FOXN3: variants seen among roughly 807,000 people sequenced by gnomAD.
FOXN3 encodes forkhead box N3.
Under a neutral mutation model 38.4 loss-of-function variants are expected in FOXN3, and 7 were observed. The observed-to-expected ratio is 0.18, with a 90% CI of 0.10 to 0.34. The LOEUF (loss-of-function observed/expected upper bound fraction) is 0.34. Ranked by LOEUF, FOXN3 falls within the 10% of genes least tolerant of loss-of-function variation. The probability of loss-of-function intolerance (pLI) is 1.00; values close to 1 mark genes in which losing one functional copy is unlikely to be tolerated. For synonymous variants in FOXN3, 230 were observed against 242.2 expected, an observed-to-expected ratio of 0.95 and a Z score of 0.47; for missense variants, 456 against 613.4, an observed-to-expected ratio of 0.74 and a Z score of 2.71.
At chr14:89,447,082 G>C (rs1348653550) in intron 1 of FOXN3, among the ~76,000 whole-genome samples, 2 of 151,972 alleles carry the variant, frequency 1.3e-5, no homozygotes, top group African/African-American at 4.8e-5. Flanking sequence ...TGTAGTCCCA[G>C]CTACTGGGGA....
intron 4 of FOXN3, among the ~76,000 whole-genome samples, chr14:89,269,485 G>T (rs114727207): frequency 6.1e-5 from 9 of 148,304 alleles, no homozygotes; most frequent in South Asian, 2.1e-4. Flanking sequence ...GTTTTGTTTT[G>T]TTTTTTTTTT....
At chr14:89,260,163 C>T (rs1177159310) in intron 4 of FOXN3, among the ~76,000 whole-genome samples, 1 of 152,240 alleles carries the variant, frequency 6.6e-6, no homozygotes, top group Non-Finnish European at 1.5e-5. Flanking sequence ...AAATAGCTTA[C>T]CGGTCCTCAC....
intron 1 of FOXN3, among the ~76,000 whole-genome samples, chr14:89,451,863 G>A (rs1368918335): frequency 6.6e-6 from 1 of 152,014 alleles, no homozygotes; most frequent in Non-Finnish European, 1.5e-5. Flanking sequence ...GTAACGGGGG[G>A]CTGCAGTGTT....
At chr14:89,281,055 G>A (rs778821175) in intron 3 of FOXN3, 41 bp from the exon 4 acceptor site, 16 of 1,552,196 alleles carry the variant, frequency 1.0e-5, no homozygotes, top group Non-Finnish European at 1.4e-5. Context: ...AAGTTCATCT[G>A]CACTCACACA....
chr14:89,202,156 G>A (rs1056844880), intron 4 of FOXN3, among the ~76,000 whole-genome samples: 1 of 152,186 alleles, frequency 6.6e-6, no homozygotes, highest in Admixed American at 6.5e-5. Context: ...TAATGCTCGA[G>A]CACTGAAGAA....
At chr14:89,438,072 A>G (rs1380777378) in intron 1 of FOXN3, among the ~76,000 whole-genome samples, 1 of 152,288 alleles carries the variant, frequency 6.6e-6, no homozygotes, top group African/African-American at 2.4e-5. Flanking sequence ...TATATTTAGC[A>G]TGCATAAGAA....
intron 2 of FOXN3, among the ~76,000 whole-genome samples, chr14:89,405,056 C>T (rs1248021722): frequency 6.6e-6 from 1 of 152,184 alleles, no homozygotes; most frequent in Non-Finnish European, 1.5e-5. Flanking sequence ...TCTGCATTCA[C>T]AACACCAAGA....
At chr14:89,218,030 CTT>C (rs1256771250) in intron 4 of FOXN3, among the ~76,000 whole-genome samples, 2 of 152,206 alleles carry the variant, frequency 1.3e-5, no homozygotes, top group Non-Finnish European at 2.9e-5. Flanking sequence ...AAATTGGAAT[CTT>C]TTTTGAAAAA....
chr14:89,298,439 C>T (rs188988094), intron 3 of FOXN3, among the ~76,000 whole-genome samples: 1 of 148,122 alleles, frequency 6.8e-6, no homozygotes, highest in Non-Finnish European at 1.5e-5. Flanking sequence ...CACTGCACTC[C>T]AGCCTGGGTG....
upstream of FOXN3, chr14:89,419,212 G>C (rs1359498450): frequency 2.2e-6 from 1 of 456,062 alleles, no homozygotes; most frequent in Non-Finnish European, 4.4e-6. Context: ...TGGTGGACCA[G>C]CCCTGCCTGA....
chr14:89,557,720 C>G (rs745715747), intron 1 of FOXN3, among the ~76,000 whole-genome samples: 3 of 152,018 alleles, frequency 2.0e-5, no homozygotes, highest in Non-Finnish European at 4.4e-5. Context: ...GAATGAGGTA[C>G]CAAAGGGGGG....
At chr14:89,169,801 A>G (rs1887341670) in intron 5 of FOXN3, among the ~76,000 whole-genome samples, 1 of 152,210 alleles carries the variant, frequency 6.6e-6, no homozygotes, top group African/African-American at 2.4e-5. Context: ...GAGGAGTAGG[A>G]GAATCAATTT....
intron 1 of FOXN3, among the ~76,000 whole-genome samples, chr14:89,414,890 A>G (rs1174878596): frequency 6.6e-6 from 1 of 152,156 alleles, no homozygotes; most frequent in Non-Finnish European, 1.5e-5. Flanking sequence ...TTCATGAGGC[A>G]TTGCAGTACA....
intron 2 of FOXN3, among the ~76,000 whole-genome samples, chr14:89,363,947 A>AATAAATATATATATAT (rs1198064384): frequency 4.5e-5 from 5 of 111,400 alleles, no homozygotes; most frequent in African/African-American, 2.6e-4. Flanking sequence ...CTGTCTGTAA[A>AATAAATATATATATAT]ATATATATAT....
chr14:89,439,363 G>A (rs1892332031), intron 1 of FOXN3, among the ~76,000 whole-genome samples: 1 of 152,138 alleles, frequency 6.6e-6, no homozygotes, highest in Non-Finnish European at 1.5e-5. Context: ...CAAGATGCAG[G>A]TCATAAAAAC....
intron 1 of FOXN3, among the ~76,000 whole-genome samples, chr14:89,582,651 G>A (rs1184527642): frequency 6.6e-6 from 1 of 151,582 alleles, no homozygotes; most frequent in Non-Finnish European, 1.5e-5. Flanking sequence ...AGCTTTATTG[G>A]GATATTATTC....
intron 1 of FOXN3, among the ~76,000 whole-genome samples, chr14:89,522,636 T>C (rs1304342921): frequency 2.0e-5 from 3 of 152,086 alleles, no homozygotes; most frequent in Non-Finnish European, 4.4e-5. Flanking sequence ...AAGATTTTTA[T>C]ACTATAAATT....
intron 4 of FOXN3, among the ~76,000 whole-genome samples, chr14:89,220,760 T>A (rs1004300212): frequency 6.6e-6 from 1 of 152,124 alleles, no homozygotes; most frequent in African/African-American, 2.4e-5. Context: ...AATTTCTCAA[T>A]TGTATCCAAG....
intron 1 of FOXN3, among the ~76,000 whole-genome samples, chr14:89,464,220 G>A (rs1892922785): frequency 6.6e-6 from 1 of 152,182 alleles, no homozygotes; most frequent in Admixed American, 6.5e-5. Context: ...GAGGGGCCAT[G>A]AGATTCCTCT....
Sources: gnomAD v4.1 joint callset for allele counts (sites outside exome capture counted in the v4.1 genomes callset) on GRCh38, gnomAD v4.1.1 for gene constraint, MANE v1.5 for transcripts, NCBI Gene and HGNC (gene_info 2026-07-23, HGNC 2026-07-21) for gene names.